Variants in DARS2 observed in about 807,000 individuals in gnomAD.
The protein encoded by DARS2 is aspartyl-tRNA synthetase 2, mitochondrial.
DARS2 carries 63 observed loss-of-function variants against 83.0 expected under a neutral mutation model. That is an observed-to-expected ratio of 0.76 (90% CI 0.62 to 0.94). DARS2 has a LOEUF of 0.94. DARS2 is among the 40% of genes least tolerant of loss of function. The probability of loss-of-function intolerance (pLI) is 0.00; values close to 1 mark genes in which losing one functional copy is unlikely to be tolerated. For missense variants in DARS2, 675 were observed against 774.4 expected (o/e 0.87, Z 1.52); for synonymous variants, 250 against 269.3 (o/e 0.93, Z 0.70).
rs762739196 is a variant in DARS2, at chr1:173,856,717, C to T, written c.1726C>T (p.Pro576Ser). The T allele has an allele frequency of 5.6e-6, 9 of 1,613,788 alleles. No homozygotes were observed. The highest frequency in any genetic ancestry group is 7.6e-6 in the Non-Finnish European group (9 of 1,179,828). The change falls in exon 16 of 17, where the codon CCC becomes TCC. Residue 576 changes from proline to serine, a missense_variant. Pro to Ser is a moderately conservative substitution (Grantham distance 74). Transcript: ENST00000649689. Reference sequence around the variant, plus strand: ...GCTCCAGGCTTTAGATTATGGGGCACCCCCTCATGGAGGAATTGCCTTAGG... The same window carrying T: ...GCTCCAGGCTTTAGATTATGGGGCATCCCCTCATGGAGGAATTGCCTTAGG... ...HLLQALDYGAPPHGGIALGLD... is the reference protein window; with the variant it reads ...HLLQALDYGASPHGGIALGLD...
At chr1:173,827,249 T>C (rs1175313342) in intron 2 of DARS2, among the ~76,000 whole-genome samples, 1 of 152,226 alleles carries the variant, frequency 6.6e-6, no homozygotes, top group Non-Finnish European at 1.5e-5. Flanking sequence ...CATTTTTTGT[T>C]GTTGTTCATC....
At position 173,825,212 on chromosome 1, in the gene DARS2, C is replaced by T. The variant is rs1652433417; in HGVS notation, c.-18C>T. On this transcript the variant is annotated 5_prime_UTR_variant, in exon 1 of 17. Coordinates refer to ENST00000649689, the MANE Select transcript of DARS2 (RefSeq NM_018122.5). ...CGTGGGATTTCGTGATTGTTTTTCGCCATCGTGTGGCTCCAACATGTACTT... is the reference window on the plus strand; with the variant it reads ...CGTGGGATTTCGTGATTGTTTTTCGTCATCGTGTGGCTCCAACATGTACTT... 2 of 1,609,486 alleles carry T rather than the reference C, an allele frequency of 1.2e-6. No homozygotes were observed. Among genetic ancestry groups the T allele is most frequent in the African/African-American group, 1.3e-5 (1 of 74,674 alleles).
rs537632996 is a variant in DARS2 at position 173,853,727 on chromosome 1, G to A, written c.1564-68G>A. 1.4e-4 allele frequency: 220 copies of A among 1,525,052 alleles called. No homozygotes were observed. In the Middle Eastern group the frequency reaches 2.4e-3, roughly 16 times the overall value. 94.5% of individuals were successfully genotyped at this position (1,525,052 alleles called of 1,614,324 possible). On this transcript the variant is annotated intron_variant, in intron 14 of 16. Coordinates refer to ENST00000649689, the MANE Select transcript of DARS2 (RefSeq NM_018122.5). The stretch of plus-strand genomic sequence containing the variant: ...AATACATTGTCTTTAAAAATCTACA[G>A]GGTCTTCAACCCGTAGAACAGAAAA...
intron 13 of DARS2, among the ~76,000 whole-genome samples, chr1:173,852,495 A>AT (rs1224893160): frequency 2.7e-5 from 4 of 150,682 alleles, no homozygotes; most frequent in African/African-American, 9.8e-5. Context: ...TCACACTCTT[A>AT]TTTTTTTTTA....
chr1:173,828,187 TAAA>T, intron 2 of DARS2, 143 bp from the exon 3 acceptor site: 1 of 845,318 alleles, frequency 1.2e-6, no homozygotes, highest in East Asian at 2.7e-5. Context: ...ATAATTATCA[TAAA>T]AAACATGAAA....
intron 2 of DARS2, among the ~76,000 whole-genome samples, 161 bp downstream of exon 2, chr1:173,826,947 C>A (rs571216119): frequency 6.6e-6 from 1 of 152,262 alleles, no homozygotes; most frequent in Admixed American, 6.5e-5. Context: ...TTTTGAAAGA[C>A]CCAAGTGTCA....
chr1:173,857,452 A>C, intron 16 of DARS2, 66 bp from the exon 17 acceptor site: 1 of 1,530,334 alleles, frequency 6.5e-7, no homozygotes. Flanking sequence ...ACTTTTATAG[A>C]AAAACTAAGT....
intron 3 of DARS2, among the ~76,000 whole-genome samples, chr1:173,829,636 C>T (rs1265951250): frequency 1.3e-5 from 2 of 151,408 alleles, no homozygotes; most frequent in Non-Finnish European, 1.5e-5. Context: ...TGGCCAGGTG[C>T]GGTGGCTCAC....
intron 13 of DARS2, 127 bp downstream of exon 13, chr1:173,850,606 T>C: frequency 3.5e-5 from 4 of 115,932 alleles, no homozygotes; most frequent in Non-Finnish European, 3.7e-5. Flanking sequence ...TGCATAAATC[T>C]TTTTTTTTTT....
At chr1:173,836,636 A>G (rs1238431351) in intron 7 of DARS2, among the ~76,000 whole-genome samples, 1 of 152,234 alleles carries the variant, frequency 6.6e-6, no homozygotes. Context: ...TGGAAATGCA[A>G]TTAAGAATTA....
chr1:173,830,082 A>C lies in DARS2; in HGVS notation c.295-578A>C, dbSNP rs1652737059. Among the ~76,000 whole-genome samples, 3 of 147,866 alleles carry C rather than the reference A, an allele frequency of 2.0e-5. No homozygotes were observed. The South Asian group carries it at 6.4e-4, about 31-fold the overall frequency. ...GCACACCAGAGTGATACCCTGTGTC[A>C]AAAAAAAAAATTAAAATTAAAGAAT... On this transcript the variant is annotated intron_variant, in intron 3 of 16. Coordinates refer to ENST00000649689, the MANE Select transcript of DARS2 (RefSeq NM_018122.5).
At chr1:173,832,855 T>A (rs1197330149) in intron 5 of DARS2, among the ~76,000 whole-genome samples, 4 of 152,122 alleles carry the variant, frequency 2.6e-5, no homozygotes, top group African/African-American at 9.7e-5. Flanking sequence ...TCCCTTTGCA[T>A]TCTTTACACT....
chr1:173,853,850 C>G lies in DARS2; in HGVS notation c.1619C>G (p.Ser540Ter). ...AATGGCAATGAAATAGGAGGTGGTT[C>G]AATTCGAATTCACAATGCAGAGCTG... ...VLNGNEIGGG[S>*]IRIHNAELQR... Residue 540 changes from serine (S) to a stop codon, truncating the protein, a stop_gained, in exon 15 of 17, where the codon TCA becomes TGA. Coordinates refer to ENST00000649689, the MANE Select transcript of DARS2 (RefSeq NM_018122.5). LOFTEE classifies it high-confidence loss of function. 1 of 1,614,162 alleles carries G rather than the reference C, an allele frequency of 6.2e-7. No homozygotes were observed.
chr1:173,833,308 C>CT, intron 5 of DARS2, 68 bp from the exon 6 acceptor site: 1 of 1,437,764 alleles, frequency 7.0e-7, no homozygotes, highest in South Asian at 1.4e-5. Flanking sequence ...AATTCAAACT[C>CT]TTTCTAAAGA....
chr1:173,825,089 T>C lies in DARS2; in HGVS notation c.-141T>C, dbSNP rs1652422762. 1.6e-6 allele frequency: 2 copies of C among 1,231,464 alleles called. No homozygotes were observed. The highest frequency in any genetic ancestry group is 3.0e-5 in the African/African-American group (2 of 66,622). The allele number at this position is 1,231,464 out of a possible 1,614,324, so 76.3% of individuals were successfully genotyped here. ...TCTAGACACGTGTACTCCAATGTTG[T>C]GCGGAGGAGGCCTTAAATATTCGAG... On this transcript the variant is annotated 5_prime_UTR_variant, in exon 1 of 17. Transcript: ENST00000649689.
intron 2 of DARS2, 112 bp downstream of exon 2, chr1:173,826,898 C>A: frequency 1.2e-6 from 1 of 810,716 alleles, no homozygotes; most frequent in Non-Finnish European, 2.1e-6. Context: ...GCAACTCCTG[C>A]AGGATTAAGA....
intron 12 of DARS2, among the ~76,000 whole-genome samples, chr1:173,848,189 C>A (rs755752976): frequency 1.3e-5 from 2 of 152,112 alleles, no homozygotes; most frequent in Non-Finnish European, 2.9e-5. Context: ...AGCCACCCAT[C>A]CTGGATCCCA....
In DARS2 at chr1:173,834,527, T is replaced by C. The variant is rs73037062; in HGVS notation, c.663+8T>C. ...TTTAAGAGGACCCCAGGGGTATGTATATTCCTTCAATCAGTCTATTAATAA... is the reference window on the plus strand; with the variant it reads ...TTTAAGAGGACCCCAGGGGTATGTACATTCCTTCAATCAGTCTATTAATAA... On this transcript the variant is annotated splice_region_variant and intron_variant, in intron 7 of 16. Transcript: ENST00000649689. 4.5e-3 allele frequency: 7,234 copies of C among 1,595,952 alleles called. 308 individuals carry two copies. The African/African-American group carries it at 0.087, about 19-fold the overall frequency.
At chr1:173,836,820 C>G (rs1653021826) in intron 7 of DARS2, 120 bp from the exon 8 acceptor site, 1 of 840,208 alleles carries the variant, frequency 1.2e-6, no homozygotes, top group Non-Finnish European at 2.0e-6. Flanking sequence ...ATTGTAGGAA[C>G]TTTGTTCTTT....
Sources: gnomAD v4.1 joint callset for allele counts (sites outside exome capture counted in the v4.1 genomes callset) on GRCh38, gnomAD v4.1.1 for gene constraint, MANE v1.5 for transcripts, NCBI Gene and HGNC (gene_info 2026-07-23, HGNC 2026-07-21) for gene names.